ZCCHC7: variants seen among roughly 807,000 people sequenced by gnomAD.
The protein encoded by ZCCHC7 is zinc finger CCHC-type containing 7.
In ZCCHC7, 35 loss-of-function variants were observed where a neutral mutation model predicts 52.0. The ratio of observed to expected loss-of-function variants is 0.67; its 90% CI spans 0.51 to 0.89. ZCCHC7 has a LOEUF of 0.89. ZCCHC7 is among the 40% of genes least tolerant of loss of function. ZCCHC7 has a pLI of 0.00. For synonymous variants in ZCCHC7, 217 were observed against 221.5 expected (o/e 0.98, Z 0.18); for missense variants, 574 against 649.1 (o/e 0.88, Z 1.26).
At chr9:37,274,964 G>A (rs1341721840) in intron 2 of ZCCHC7, among the ~76,000 whole-genome samples, 5 of 152,040 alleles carry the variant, frequency 3.3e-5, no homozygotes, top group East Asian at 1.9e-4. Flanking sequence ...CATGCAGGTC[G>A]TTGGGCTACG....
intron 3 of ZCCHC7, 89 bp from the exon 4 acceptor site, chr9:37,304,099 T>C: frequency 3.1e-6 from 4 of 1,275,144 alleles, no homozygotes; most frequent in Non-Finnish European, 4.4e-6. Flanking sequence ...TATCTTTATT[T>C]GCTTATAGTT....
intron 6 of ZCCHC7, among the ~76,000 whole-genome samples, chr9:37,343,729 A>G (rs1230543769): frequency 6.6e-6 from 1 of 152,120 alleles, no homozygotes; most frequent in Non-Finnish European, 1.5e-5. Flanking sequence ...AGTCCTTAAT[A>G]CCTACTCATT....
intron 2 of ZCCHC7, among the ~76,000 whole-genome samples, chr9:37,196,609 A>G (rs1041584828): frequency 6.6e-6 from 1 of 152,180 alleles, no homozygotes; most frequent in Non-Finnish European, 1.5e-5. Context: ...GCTTTGTTAC[A>G]TAGTGACCAT....
intron 2 of ZCCHC7, among the ~76,000 whole-genome samples, chr9:37,295,550 A>T (rs1248254767): frequency 6.6e-6 from 1 of 152,306 alleles, no homozygotes; most frequent in Non-Finnish European, 1.5e-5. Flanking sequence ...AGTGGTCCTG[A>T]GCTAAAATCG....
rs936756548 is a variant in ZCCHC7, at chr9:37,131,725, AT to A, written c.610+4792del. 7.3e-5 allele frequency among the ~76,000 whole-genome samples: 11 copies of A among 151,484 alleles called. No homozygotes were observed. In the East Asian group the frequency reaches 7.8e-4, roughly 11 times the overall value. ...ACAGTTAATACCACAACTCAGAGGCATTTTTTTTTCCTTTCTATTCTTCTTC... is the reference window on the plus strand; with the variant it reads ...ACAGTTAATACCACAACTCAGAGGCATTTTTTTTCCTTTCTATTCTTCTTC... On this transcript the variant is annotated intron_variant, in intron 2 of 8. Coordinates refer to ENST00000336755, the MANE Select transcript of ZCCHC7 (RefSeq NM_032226.3).
intron 6 of ZCCHC7, among the ~76,000 whole-genome samples, chr9:37,342,637 T>C (rs1209527375): frequency 6.6e-6 from 1 of 152,156 alleles, no homozygotes; most frequent in Non-Finnish European, 1.5e-5. Context: ...GCGTGTTGTC[T>C]GGGAAGCTAA....
chr9:37,314,542 G>A (rs895363681), intron 5 of ZCCHC7, among the ~76,000 whole-genome samples: 1 of 152,104 alleles, frequency 6.6e-6, no homozygotes, highest in African/African-American at 2.4e-5. Flanking sequence ...TGAATTGAGA[G>A]TGAAAATAAG....
At chr9:37,146,920 C>T (rs1588376816) in intron 2 of ZCCHC7, among the ~76,000 whole-genome samples, 1 of 151,714 alleles carries the variant, frequency 6.6e-6, no homozygotes, top group South Asian at 2.1e-4. Context: ...ATTTTAAAAA[C>T]ATAGGGAATA....
intron 4 of ZCCHC7, among the ~76,000 whole-genome samples, chr9:37,305,040 A>G (rs183454661): frequency 1.3e-5 from 2 of 152,342 alleles, no homozygotes; most frequent in Admixed American, 6.5e-5. Context: ...AGGTACATCA[A>G]CCTTTGGAAC....
At chr9:37,137,860 G>C (rs1340291454) in intron 2 of ZCCHC7, among the ~76,000 whole-genome samples, 1 of 152,110 alleles carries the variant, frequency 6.6e-6, no homozygotes, top group Admixed American at 6.5e-5. Context: ...CCCCTCCTTT[G>C]GCATTCATCG....
At chr9:37,168,623 C>T (rs77527915) in intron 2 of ZCCHC7, among the ~76,000 whole-genome samples, 7,715 of 152,212 alleles carry the variant, frequency 0.051, 636 homozygotes, top group African/African-American at 0.17. Context: ...CCAGGCCAGG[C>T]GTGCTGGCTC....
intron 2 of ZCCHC7, among the ~76,000 whole-genome samples, chr9:37,274,331 CTTTTTTTTTTTTTT>C (rs10653910): frequency 2.6e-5 from 2 of 76,668 alleles, no homozygotes; most frequent in Non-Finnish European, 4.8e-5. Context: ...TATCTAATTT[CTTTTTTTTTTTTTT>C]TTTTTTTTTT....
intron 6 of ZCCHC7, among the ~76,000 whole-genome samples, chr9:37,342,610 G>C (rs1190041942): frequency 6.6e-6 from 1 of 152,184 alleles, no homozygotes; most frequent in Admixed American, 6.5e-5. Context: ...CCTATGAGGT[G>C]GAAGAAAACT....
intron 2 of ZCCHC7, among the ~76,000 whole-genome samples, chr9:37,294,253 A>G (rs1828675712): frequency 6.6e-6 from 1 of 152,226 alleles, no homozygotes; most frequent in African/African-American, 2.4e-5. Flanking sequence ...CGTTGAAAAC[A>G]GATGCTGCTG....
At chr9:37,221,803 TAA>T (rs1027347805) in intron 2 of ZCCHC7, among the ~76,000 whole-genome samples, 7 of 152,272 alleles carry the variant, frequency 4.6e-5, no homozygotes, top group African/African-American at 1.4e-4. Context: ...GTGGATTTTT[TAA>T]AAAGTTTTTT....
chr9:37,294,160 C>G (rs554591604), intron 2 of ZCCHC7, among the ~76,000 whole-genome samples: 1 of 152,218 alleles, frequency 6.6e-6, no homozygotes, highest in Admixed American at 6.5e-5. Context: ...AAAAAGGGAG[C>G]AGTTTCAGAA....
At chr9:37,223,568 A>G (rs1161220647) in intron 2 of ZCCHC7, among the ~76,000 whole-genome samples, 1 of 152,146 alleles carries the variant, frequency 6.6e-6, no homozygotes, top group African/African-American at 2.4e-5. Context: ...AATAGTAACA[A>G]TGGTTGCACA....
chr9:37,121,368 C>G (rs914823657), intron 1 of ZCCHC7, among the ~76,000 whole-genome samples: 1 of 152,182 alleles, frequency 6.6e-6, no homozygotes, highest in Non-Finnish European at 1.5e-5. Context: ...GCCTTTTTAG[C>G]TCAGTGAATA....
intron 2 of ZCCHC7, chr9:37,284,401 A>G (rs1588611231): frequency 6.6e-6 from 1 of 151,986 alleles, no homozygotes; most frequent in African/African-American, 2.4e-5. Flanking sequence ...ACAAAAAAAT[A>G]CCTTTTTTGC....
Sources: gnomAD v4.1 joint callset for allele counts (sites outside exome capture counted in the v4.1 genomes callset) on GRCh38, gnomAD v4.1.1 for gene constraint, MANE v1.5 for transcripts, NCBI Gene and HGNC (gene_info 2026-07-23, HGNC 2026-07-21) for gene names.